The following FSTL4 variants were observed in gnomAD, a reference collection of about 807,000 sequenced individuals.
The protein encoded by FSTL4 is follistatin-related protein 4.
FSTL4 carries 28 observed loss-of-function variants against 78.2 expected under a neutral mutation model. The ratio of observed to expected loss-of-function variants is 0.36; its 90% CI spans 0.27 to 0.49. FSTL4 has a LOEUF of 0.49. Among genes scored for constraint, FSTL4 ranks in the 20% least tolerant of loss-of-function variants. The pLI is 0.98. For missense variants in FSTL4, 922 were observed against 1,084.9 expected (o/e 0.85, Z 2.11); for synonymous variants, 422 against 440.5 (o/e 0.96, Z 0.53).
chr5:133,732,425 C>G, the FSTL4 span, among the ~76,000 whole-genome samples: 1 of 152,148 alleles, frequency 6.6e-6, no homozygotes, highest in African/African-American at 2.4e-5. Context: ...AAATTACTCC[C>G]TGCACATCTC....
At chr5:133,331,998 G>T (rs781723664) in intron 4 of FSTL4, among the ~76,000 whole-genome samples, 1 of 152,210 alleles carries the variant, frequency 6.6e-6, no homozygotes, top group Non-Finnish European at 1.5e-5. Context: ...TCAACCTGAA[G>T]CTTCTGAGCT....
chr5:133,769,003 C>T, the FSTL4 span, among the ~76,000 whole-genome samples: 1 of 152,178 alleles, frequency 6.6e-6, no homozygotes, highest in Non-Finnish European at 1.5e-5. Flanking sequence ...GACACAGAGC[C>T]TGTTGCAAAG....
chr5:133,496,825 G>A (rs147239890), intron 3 of FSTL4, among the ~76,000 whole-genome samples: 9 of 152,210 alleles, frequency 5.9e-5, no homozygotes, highest in Non-Finnish European at 1.2e-4. Flanking sequence ...GCCATCGTAA[G>A]CCACTGTCCC....
rs117182660 is a variant in FSTL4 at position 133,265,309 on chromosome 5, C to T, written c.728-15733G>A. ...CCAAATGTCCTGGGCCTTCCCCCGT[C>T]GCTGGCCACCAGGGAGGGCACCACC... On this transcript the variant is annotated intron_variant, in intron 6 of 15. Coordinates refer to ENST00000265342, the MANE Select transcript of FSTL4 (RefSeq NM_015082.2). Among the ~76,000 whole-genome samples the T allele has an allele frequency of 3.8e-4, 58 of 152,314 alleles. 1 individual carries two copies. In the East Asian group the frequency reaches 0.01, roughly 27 times the overall value.
At chr5:133,305,323 C>CT (rs1458253201) in intron 6 of FSTL4, among the ~76,000 whole-genome samples, 13 of 152,222 alleles carry the variant, frequency 8.5e-5, no homozygotes, top group Non-Finnish European at 1.9e-4. Context: ...GCCCTGGCCT[C>CT]TGAGTCTGAG....
intron 4 of FSTL4, among the ~76,000 whole-genome samples, chr5:133,346,311 A>G (rs1214139063): frequency 6.6e-6 from 1 of 152,206 alleles, no homozygotes; most frequent in Admixed American, 6.5e-5. Context: ...TAAAACCTAG[A>G]TGATGGGTTG....
chr5:133,641,216 A>C, the FSTL4 span, among the ~76,000 whole-genome samples: 1 of 151,968 alleles, frequency 6.6e-6, no homozygotes, highest in African/African-American at 2.4e-5. Context: ...TATAGTGCCC[A>C]CACTGATAGC....
chr5:133,253,088 G>A (rs1752299412), intron 6 of FSTL4, among the ~76,000 whole-genome samples: 3 of 152,220 alleles, frequency 2.0e-5, no homozygotes, highest in African/African-American at 7.2e-5. Context: ...GATTTAATTT[G>A]TGTCAATATT....
At chr5:133,527,470 T>TGTAC (rs1759157719) in intron 3 of FSTL4, among the ~76,000 whole-genome samples, 1 of 119,848 alleles carries the variant, frequency 8.3e-6, no homozygotes, top group African/African-American at 2.9e-5. Flanking sequence ...GATGTGCACG[T>TGTAC]GTACACACAC....
intron 2 of FSTL4, among the ~76,000 whole-genome samples, chr5:133,580,669 T>A (rs1221043063): frequency 6.6e-6 from 1 of 152,164 alleles, no homozygotes; most frequent in African/African-American, 2.4e-5. Flanking sequence ...AGGTCTCTAC[T>A]TCAATACCCA....
At chr5:133,532,638 A>T (rs1347395206) in intron 3 of FSTL4, among the ~76,000 whole-genome samples, 1 of 152,184 alleles carries the variant, frequency 6.6e-6, no homozygotes, top group African/African-American at 2.4e-5. Flanking sequence ...TATCTACCCC[A>T]TAAGGACTTC....
intron 3 of FSTL4, among the ~76,000 whole-genome samples, chr5:133,454,020 T>C (rs987138074): frequency 2.0e-5 from 3 of 152,208 alleles, no homozygotes; most frequent in Non-Finnish European, 4.4e-5. Flanking sequence ...TCAGCGAGTT[T>C]TAATTTATTT....
intron 6 of FSTL4, chr5:133,275,741 A>T (rs1316746872): frequency 6.6e-6 from 1 of 152,166 alleles, no homozygotes; most frequent in Non-Finnish European, 1.5e-5. Context: ...CATTTTACAG[A>T]TGAGCAAAGC....
rs984419068 is a variant in FSTL4 at position 133,422,815 on chromosome 5, A to G, written c.161-21829T>C. 3.3e-5 allele frequency among the ~76,000 whole-genome samples: 5 copies of G among 152,254 alleles called. No homozygotes were observed. In the East Asian group the frequency reaches 7.7e-4, roughly 23 times the overall value. On this transcript the variant is annotated intron_variant, in intron 3 of 15. Coordinates refer to ENST00000265342, the MANE Select transcript of FSTL4 (RefSeq NM_015082.2). ...AACAATTCTATCTCTACATTAGGAA[A>G]GGTGTGTTTGACTTGAAAATATGTG...
At chr5:133,630,346 A>G in the FSTL4 span, among the ~76,000 whole-genome samples, 1 of 138,558 alleles carries the variant, frequency 7.2e-6, no homozygotes, top group African/African-American at 2.7e-5. Flanking sequence ...ATTCCTATAC[A>G]CCAATAATAG....
At chr5:133,716,617 G>A in the FSTL4 span, among the ~76,000 whole-genome samples, 2 of 151,952 alleles carry the variant, frequency 1.3e-5, no homozygotes, top group African/African-American at 4.8e-5. Flanking sequence ...TGTCACTGTG[G>A]TATAACTTAT....
At chr5:133,673,608 CT>C in the FSTL4 span, among the ~76,000 whole-genome samples, 1 of 152,232 alleles carries the variant, frequency 6.6e-6, no homozygotes, top group Non-Finnish European at 1.5e-5. Context: ...AACTCATCTG[CT>C]TCTACTTTGA....
the FSTL4 span, among the ~76,000 whole-genome samples, chr5:133,671,019 C>A: frequency 5.9e-5 from 9 of 152,074 alleles, no homozygotes; most frequent in Non-Finnish European, 1.0e-4. Flanking sequence ...TGATGTTGTA[C>A]CAGTTCCAAG....
chr5:133,670,533 C>T, the FSTL4 span, among the ~76,000 whole-genome samples: 1 of 152,198 alleles, frequency 6.6e-6, no homozygotes, highest in Non-Finnish European at 1.5e-5. Context: ...GAGTTGGGGG[C>T]CCCAGCAACA....
Sources: gnomAD v4.1 joint callset for allele counts (sites outside exome capture counted in the v4.1 genomes callset) on GRCh38, gnomAD v4.1.1 for gene constraint, MANE v1.5 for transcripts, NCBI Gene and HGNC (gene_info 2026-07-23, HGNC 2026-07-21) for gene names.